Variants in PALB2 observed in about 807,000 individuals in gnomAD.
PALB2 encodes mutant partner and localizer of BRCA2.
A neutral mutation model predicts 107.4 loss-of-function variants in PALB2; 82 were observed. That is an observed-to-expected ratio of 0.76 (90% CI 0.64 to 0.92). The LOEUF (loss-of-function observed/expected upper bound fraction) is 0.92. Among genes scored for constraint, PALB2 ranks in the 40% least tolerant of loss-of-function variants. The pLI is 0.00. For synonymous variants in PALB2, 489 were observed against 496.8 expected, an observed-to-expected ratio of 0.98 and a Z score of 0.21; for missense variants, 1,374 against 1,379.9, an observed-to-expected ratio of 1.00 and a Z score of 0.07.
intron 3 of PALB2, 52 bp from the exon 4 acceptor site, chr16:23,636,386 A>T: frequency 8.1e-7 from 1 of 1,229,174 alleles, no homozygotes. Context: ...AAAATAAAAC[A>T]AAAAATACTC....
rs776503847 is a variant in PALB2 at position 23,614,143 on chromosome 16, T to G, written c.3114-52A>C. ...ATCACATTCTTCCAACAAACCAGTT[T>G]TCAGAAAATATTTTCTTATTCATCA... On this transcript the variant is annotated intron_variant, in intron 10 of 12. Coordinates refer to ENST00000261584, the MANE Select transcript of PALB2 (RefSeq NM_024675.4). The G allele has an allele frequency of 1.1e-5, 15 of 1,324,016 alleles. 2 individuals carry two copies. The South Asian group carries it at 1.8e-4, about 16-fold the overall frequency. 82.0% of individuals were successfully genotyped at this position (1,324,016 alleles called of 1,614,324 possible). A position where few individuals can be genotyped will look rare whatever the true frequency, so the allele number is the denominator to read the frequency against.
At chr16:23,608,045 G>A (rs780148633) in intron 11 of PALB2, 33 bp from the exon 12 acceptor site, 1 of 1,601,286 alleles carries the variant, frequency 6.2e-7, no homozygotes, top group Admixed American at 1.7e-5. Context: ...ATCCCAAATA[G>A]ACTGTCAAGA....
At chr16:23,632,272 C>T (rs377415061) in intron 4 of PALB2, among the ~76,000 whole-genome samples, 3 of 152,016 alleles carry the variant, frequency 2.0e-5, no homozygotes, top group East Asian at 3.9e-4. Flanking sequence ...GGTGAAACCC[C>T]GTCTCTACTA....
chr16:23,611,459 TA>T (rs1966586120), intron 11 of PALB2, among the ~76,000 whole-genome samples: 1 of 147,036 alleles, frequency 6.8e-6, no homozygotes, highest in African/African-American at 2.6e-5. Context: ...TTATTATTAT[TA>T]TTATTATTTT....
At position 23,621,496 on chromosome 16, in the gene PALB2, T is replaced by A. The variant is rs750052146; in HGVS notation, c.2997-18A>T. On this transcript the variant is annotated intron_variant, in intron 9 of 12. Transcript: ENST00000261584. ...CTTTGCCTCTGTAATTAAAACAGTA[T>A]GAAAAGTCAGTACTTTGCACTAAAG... 1.3e-6 allele frequency: 2 copies of A among 1,521,596 alleles called. No individual in the cohort carries two copies. Among genetic ancestry groups the A allele is most frequent in the Non-Finnish European group, 1.8e-6 (2 of 1,095,946 alleles). The allele number at this position is 1,521,596 out of a possible 1,614,324, so 94.3% of individuals were successfully genotyped here. A position where few individuals can be genotyped will look rare whatever the true frequency, so the allele number is the denominator to read the frequency against.
chr16:23,640,143 G>T (rs971085009), intron 1 of PALB2: 1 of 167,546 alleles, frequency 6.0e-6, no homozygotes, highest in African/African-American at 2.4e-5. Flanking sequence ...TGCCCATCTC[G>T]GCCTCCCAAA....
Position 23,626,220 on chromosome 16 carries a change from C to T in PALB2, c.2748+16G>A, listed in dbSNP as rs730881873. The stretch of plus-strand genomic sequence containing the variant: ...ATGGCTGCAAAGATCTCTTTCAGCT[C>T]GAGATTCCCACTTACCTCTGCGAAG... On this transcript the variant is annotated intron_variant, in intron 7 of 12. Transcript: ENST00000261584. 4.7e-5 allele frequency: 76 copies of T among 1,613,972 alleles called. No individual in the cohort carries two copies. The highest frequency in any genetic ancestry group is 1.6e-4 in the Middle Eastern group (1 of 6,082).
At chr16:23,622,831 C>A in intron 9 of PALB2, 138 bp downstream of exon 9, 2 of 945,284 alleles carry the variant, frequency 2.1e-6, no homozygotes, top group Non-Finnish European at 3.3e-6. Flanking sequence ...TATGTCATAA[C>A]CTAGTGTTGA....
intron 12 of PALB2, among the ~76,000 whole-genome samples, chr16:23,606,565 G>A (rs1966478327): frequency 6.6e-6 from 1 of 152,124 alleles, no homozygotes; most frequent in Non-Finnish European, 1.5e-5. Flanking sequence ...ATTCACTTCA[G>A]CCCAGGCTGC....
chr16:23,605,449 C>T lies in PALB2; in HGVS notation c.3351-1780G>A, dbSNP rs148826340. ...TTTGAGACAGAGCCTTGCTCTGTCACCCAGGCTGAAGTGCAATGGCGAGAT... is the reference window on the plus strand; with the variant it reads ...TTTGAGACAGAGCCTTGCTCTGTCATCCAGGCTGAAGTGCAATGGCGAGAT... On this transcript the variant is annotated intron_variant, in intron 12 of 12. Coordinates refer to ENST00000261584, the MANE Select transcript of PALB2 (RefSeq NM_024675.4). Among the ~76,000 whole-genome samples, 4 of 152,278 alleles carry T rather than the reference C, an allele frequency of 2.6e-5. No homozygotes were observed. The East Asian group carries it at 7.7e-4, about 29-fold the overall frequency.
At chr16:23,626,184 T>C in intron 7 of PALB2, 52 bp downstream of exon 7, 5 of 1,610,938 alleles carry the variant, frequency 3.1e-6, no homozygotes, top group Non-Finnish European at 4.2e-6. Context: ...CCCATCTACA[T>C]TATCAGGCAA....
chr16:23,632,730 T>C (rs1308172691), intron 4 of PALB2, among the ~76,000 whole-genome samples: 1 of 152,256 alleles, frequency 6.6e-6, no homozygotes, highest in Non-Finnish European at 1.5e-5. Flanking sequence ...TTAATTTTGT[T>C]ACGTGAATGT....
chr16:23,610,314 T>A (rs1331167946), intron 11 of PALB2, among the ~76,000 whole-genome samples: 155 of 150,742 alleles, frequency 1.0e-3, no homozygotes, highest in Non-Finnish European at 1.6e-3. Flanking sequence ...TATTTCTTTT[T>A]TTTTTTTTTT....
Position 23,630,336 on chromosome 16 carries a change from A to G in PALB2, c.1818T>C (p.Phe606=), listed in dbSNP as rs1484066130. Residue 606 remains phenylalanine (F), a synonymous_variant, in exon 5 of 13, where the codon TTT becomes TTC. Transcript: ENST00000261584. ...GTAACTGAAAGTCTGTGATACTGAG[A>G]AAAGACAGTAGTTGCTTTAAACTCA... is the stretch of plus-strand genomic sequence containing the variant. ...GMLSLKQLLS[F]LSITDFQLPD... 1 of 1,614,090 alleles carries G rather than the reference A, an allele frequency of 6.2e-7. No homozygotes were observed. The highest frequency in any genetic ancestry group is 1.3e-5 in the African/African-American group (1 of 74,930).
chr16:23,641,016 C>A, intron 1 of PALB2, 94 bp downstream of exon 1: 1 of 1,412,566 alleles, frequency 7.1e-7, no homozygotes, highest in Non-Finnish European at 9.8e-7. Context: ...GATGATACTG[C>A]TGCCCTCGGA....
intron 6 of PALB2, among the ~76,000 whole-genome samples, chr16:23,626,898 G>A (rs1966843786): frequency 6.6e-6 from 1 of 151,948 alleles, no homozygotes; most frequent in Non-Finnish European, 1.5e-5. Flanking sequence ...TGGGGTTACA[G>A]GCATGAGCCA....
chr16:23,640,982 A>G, intron 1 of PALB2, 128 bp downstream of exon 1: 1 of 1,022,798 alleles, frequency 9.8e-7, no homozygotes, highest in Non-Finnish European at 1.4e-6. Flanking sequence ...GTGCCCCCTC[A>G]GCCCTAAGAG....
rs587782151 is a variant in PALB2 at position 23,630,406 on chromosome 16, A to G, written c.1748T>C (p.Leu583Ser). The G allele has an allele frequency of 7.4e-6, 12 of 1,613,996 alleles. No individual in the cohort carries two copies. The highest frequency in any genetic ancestry group is 1.0e-5 in the Non-Finnish European group (12 of 1,180,018). ...TGGAGCCGTGAAAGCATCATCATCC[A>G]AGGATAAATAAGCACTATTACTCCA... ...LSWSNSAYLSLDDDAFTAPFH... is the reference protein window; with the variant it reads ...LSWSNSAYLSSDDDAFTAPFH... Residue 583 changes from leucine (L) to serine (S), a missense_variant, in exon 5 of 13, where the codon TTG (leucine) becomes TCG (serine). Leu to Ser is a moderately radical substitution (Grantham distance 145). Transcript: ENST00000261584.
intron 11 of PALB2, among the ~76,000 whole-genome samples, chr16:23,609,678 C>A (rs113444780): frequency 6.6e-6 from 1 of 152,120 alleles, no homozygotes; most frequent in Non-Finnish European, 1.5e-5. Flanking sequence ...CCACCACGCC[C>A]GGCTAATTTT....
Sources: allele counts gnomAD v4.1 joint callset (sites outside exome capture counted in the v4.1 genomes callset), GRCh38; gene constraint gnomAD v4.1.1; transcripts MANE v1.5; gene names NCBI Gene and HGNC (gene_info 2026-07-23, HGNC 2026-07-21).